The following SYNJ2 variants were observed in gnomAD, a reference collection of about 807,000 sequenced individuals.
The protein encoded by SYNJ2 is synaptojanin 2.
SYNJ2 carries 116 observed loss-of-function variants against 141.3 expected under a neutral mutation model. The observed-to-expected ratio is 0.82, with a 90% CI of 0.71 to 0.96. SYNJ2 has a LOEUF of 0.96. Ranked by LOEUF, SYNJ2 falls within the 40% of genes least tolerant of loss-of-function variation. SYNJ2 has a pLI of 0.00. For synonymous variants in SYNJ2, 745 were observed against 777.7 expected, an observed-to-expected ratio of 0.96 and a Z score of 0.70; for missense variants, 1,873 against 1,934.8, an observed-to-expected ratio of 0.97 and a Z score of 0.60.
In SYNJ2 at chr6:158,098,912, G is replaced by A. The variant is rs1783920232; in HGVS notation, c.*2548G>A. The A allele has an allele frequency of 6.6e-6, 1 of 152,198 alleles. No individual in the cohort carries two copies. Among genetic ancestry groups the A allele is most frequent in the Non-Finnish European group, 1.5e-5 (1 of 68,046 alleles). The allele number at this position is 152,198 out of a possible 1,614,324, so 9.4% of individuals were successfully genotyped here. On this transcript the variant is annotated 3_prime_UTR_variant, in exon 27 of 27. Coordinates refer to ENST00000355585, the MANE Select transcript of SYNJ2 (RefSeq NM_003898.4). Reference sequence around the variant, plus strand: ...TATGTTTTGGTTAATGATTGAATTAGGACATCAGCTTAAGCAATTCCTGTA... The same window carrying A: ...TATGTTTTGGTTAATGATTGAATTAAGACATCAGCTTAAGCAATTCCTGTA...
chr6:158,013,647 T>G (rs1364176201), intron 1 of SYNJ2, among the ~76,000 whole-genome samples: 1 of 152,216 alleles, frequency 6.6e-6, no homozygotes, highest in Non-Finnish European at 1.5e-5. Flanking sequence ...AATTTGTTTG[T>G]CACCCCAAGA....
rs908570688 is a variant in SYNJ2, at chr6:158,027,421, G to A, written c.215-1335G>A. ...GGGCCCCGTCCCGAGAGTGAGGCAC[G>A]GCGCCACCAGGCACCCCCGATACGC... On this transcript the variant is annotated intron_variant, in intron 2 of 26. Transcript: ENST00000355585. The surrounding 1 kb of genome is among the most constrained non-coding windows in gnomAD (Gnocchi z 4.6). 6 of 161,542 alleles carry A rather than the reference G, an allele frequency of 3.7e-5. No individual in the cohort carries two copies. Among genetic ancestry groups the A allele is most frequent in the Non-Finnish European group, 7.8e-5 (6 of 76,692 alleles). 10.0% of individuals were successfully genotyped at this position (161,542 alleles called of 1,614,324 possible).
Position 158,076,757 on chromosome 6 carries a change from G to A in SYNJ2, c.2424G>A (p.Arg808=). 1 of 1,613,424 alleles carries A rather than the reference G, an allele frequency of 6.2e-7. No individual in the cohort carries two copies. Among genetic ancestry groups the A allele is most frequent in the Non-Finnish European group, 8.5e-7 (1 of 1,179,696 alleles). Residue 808 remains arginine (R), a synonymous_variant, in exon 17 of 27, where the codon AGG becomes AGA. Transcript: ENST00000355585. ...PAWTDRVLWW[R]KKHPFDKTAG... Reference sequence around the variant, plus strand: ...GGACAGACAGGGTGCTGTGGTGGAGGAAGAAACATCCCTTTGATAAAACAG... The same window carrying A: ...GGACAGACAGGGTGCTGTGGTGGAGAAAGAAACATCCCTTTGATAAAACAG...
chr6:158,018,837 C>T (rs1315031224), intron 2 of SYNJ2, among the ~76,000 whole-genome samples: 1 of 152,236 alleles, frequency 6.6e-6, no homozygotes, highest in African/African-American at 2.4e-5. Context: ...CGCCTCCAAA[C>T]GCTTGCTTTT....
intron 1 of SYNJ2, among the ~76,000 whole-genome samples, chr6:157,993,797 GT>G (rs61529071): frequency 5.8e-4 from 28 of 47,948 alleles, no homozygotes; most frequent in South Asian, 9.7e-4. Flanking sequence ...AAATGTGTGG[GT>G]TTTTTTTTTT....
rs888154838 is a variant in SYNJ2, at chr6:158,093,157, G to C, written c.3744+53G>C. ...TACTCCTAAGTTGCTCACATGTCTC[G>C]ATAGATAAGAATTGTGGCCTGTAAT... On this transcript the variant is annotated intron_variant, in intron 26 of 26. Coordinates refer to ENST00000355585, the MANE Select transcript of SYNJ2 (RefSeq NM_003898.4). 3.9e-6 allele frequency: 6 copies of C among 1,552,562 alleles called. No individual in the cohort carries two copies. The Admixed American group carries it at 1.0e-4, about 27-fold the overall frequency.
rs764743143 is a variant in SYNJ2 at position 158,064,997 on chromosome 6, G to A, written c.1525+6G>A. ...GGACAGCACGGCGCTCCTGGGTAGG[G>A]CCTGCCGCAGACAGGGCGAGGCAGG... On this transcript the variant is annotated splice_donor_region_variant and intron_variant, in intron 11 of 26. Coordinates refer to ENST00000355585, the MANE Select transcript of SYNJ2 (RefSeq NM_003898.4). 3 of 1,548,938 alleles carry A rather than the reference G, an allele frequency of 1.9e-6. No individual in the cohort carries two copies. Among genetic ancestry groups the A allele is most frequent in the East Asian group, 4.7e-5 (2 of 42,270 alleles).
rs758373037 is a variant in SYNJ2, at chr6:158,081,476, C to T, written c.2831C>T (p.Ser944Leu). Reference sequence around the variant, plus strand: ...CTGGTAACTTTTGCAGACAGTCACTCGGCTCTCAGTGTCCTGGACGTGGAC... The same window carrying T: ...CTGGTAACTTTTGCAGACAGTCACTTGGCTCTCAGTGTCCTGGACGTGGAC... ...QMLVTFADSHSALSVLDVDGM... is the reference protein window; with the variant it reads ...QMLVTFADSHLALSVLDVDGM... The change falls in exon 20 of 27, where the codon TCG (serine) becomes TTG (leucine). Residue 944 changes from serine to leucine, a missense_variant. Physicochemically the swap from Ser to Leu is moderately radical, Grantham distance 145 (BLOSUM62 -2). Transcript: ENST00000355585. 28 of 1,613,842 alleles carry T rather than the reference C, an allele frequency of 1.7e-5. No homozygotes were observed. Among genetic ancestry groups the T allele is most frequent in the South Asian group, 3.3e-5 (3 of 91,066 alleles).
Position 158,083,576 on chromosome 6 carries a change from A to G in SYNJ2, c.3013A>G (p.Ser1005Gly). The change falls in exon 21 of 27, where the codon AGT becomes GGT. Residue 1005 changes from serine to glycine, a missense_variant. Coordinates refer to ENST00000355585, the MANE Select transcript of SYNJ2 (RefSeq NM_003898.4). ...CLLEENFDFT[S>G]LDYESEGDIL... ...GCTGGAGGAAAACTTTGACTTCACA[A>G]GTTTGGACTATGAGTCAGAAGGTTA... The G allele has an allele frequency of 6.2e-7, 1 of 1,614,136 alleles. No individual in the cohort carries two copies. The highest frequency in any genetic ancestry group is 2.2e-5 in the East Asian group (1 of 44,870).
Position 158,076,683 on chromosome 6 carries a change from G to A in SYNJ2, c.2350G>A (p.Val784Ile), listed in dbSNP as rs142937613. The change falls in exon 17 of 27, where the codon GTT becomes ATT. Residue 784 changes from valine to isoleucine, a missense_variant. By Grantham distance (29) the Val-to-Ile change is conservative. Coordinates refer to ENST00000355585, the MANE Select transcript of SYNJ2 (RefSeq NM_003898.4). ...INFGPTYKYD[V>I]GSAAYDTSDK... Reference sequence around the variant, plus strand: ...CTTTGGACCCACCTACAAGTATGACGTTGGCTCAGCCGCCTACGATACAAG... The same window carrying A: ...CTTTGGACCCACCTACAAGTATGACATTGGCTCAGCCGCCTACGATACAAG... 39 of 1,614,032 alleles carry A rather than the reference G, an allele frequency of 2.4e-5. No individual in the cohort carries two copies. Among genetic ancestry groups the A allele is most frequent in the Non-Finnish European group, 3.1e-5 (36 of 1,180,034 alleles).
intron 1 of SYNJ2, among the ~76,000 whole-genome samples, chr6:157,983,182 T>C (rs924716673): frequency 6.6e-5 from 10 of 152,238 alleles, no homozygotes; most frequent in African/African-American, 2.2e-4. Context: ...CGTTCGGATG[T>C]ATGTCTTGGA....
At chr6:158,005,419 C>G (rs988559393) in intron 1 of SYNJ2, among the ~76,000 whole-genome samples, 1 of 152,140 alleles carries the variant, frequency 6.6e-6, no homozygotes, top group Non-Finnish European at 1.5e-5. Flanking sequence ...CCCTTAGAAC[C>G]CATGGCCTTC....
chr6:157,989,066 C>T (rs182376686), intron 1 of SYNJ2, among the ~76,000 whole-genome samples: 68 of 152,236 alleles, frequency 4.5e-4, no homozygotes, highest in African/African-American at 7.9e-4. Flanking sequence ...GTGCTTAATC[C>T]GCTATTCTAC....
chr6:158,017,329 C>T (rs1778508492), intron 2 of SYNJ2, 39 bp downstream of exon 2: 3 of 1,587,278 alleles, frequency 1.9e-6, no homozygotes, highest in Non-Finnish European at 2.6e-6. Flanking sequence ...CGCCAGGCTC[C>T]CCGGTGGGCA....
chr6:158,081,604 CCTTTTT>C, intron 20 of SYNJ2, 94 bp downstream of exon 20: 2 of 219,730 alleles, frequency 9.1e-6, no homozygotes, highest in Non-Finnish European at 1.6e-5. Context: ...CTGACCTGTG[CCTTTTT>C]TTTTTTTTTT....
intron 1 of SYNJ2, among the ~76,000 whole-genome samples, chr6:157,993,636 A>G (rs945993936): frequency 4.7e-5 from 7 of 150,212 alleles, no homozygotes; most frequent in African/African-American, 1.7e-4. Flanking sequence ...GGTCTTTCCC[A>G]ATGTTTTACT....
chr6:158,039,330 G>C (rs1387115905), intron 4 of SYNJ2, among the ~76,000 whole-genome samples: 1 of 152,258 alleles, frequency 6.6e-6, no homozygotes, highest in Non-Finnish European at 1.5e-5. Flanking sequence ...TGCTGAGGAT[G>C]GTTCTTCTAG....
At chr6:158,091,293 G>A (rs1170403438) in intron 25 of SYNJ2, among the ~76,000 whole-genome samples, 1 of 151,966 alleles carries the variant, frequency 6.6e-6, no homozygotes, top group African/African-American at 2.4e-5. Flanking sequence ...TCCAGCCTGG[G>A]TGACAGAGCA....
intron 7 of SYNJ2, 154 bp downstream of exon 7, chr6:158,059,507 G>A (rs990623227): frequency 4.2e-6 from 6 of 1,436,186 alleles, no homozygotes; most frequent in East Asian, 2.6e-5. Context: ...CAGTGAACAC[G>A]GCAGTGCTCA....
Sources: allele counts gnomAD v4.1 joint callset (sites outside exome capture counted in the v4.1 genomes callset), GRCh38; gene constraint gnomAD v4.1.1; non-coding constraint Gnocchi (gnomAD v3.1); transcripts MANE v1.5; gene names NCBI Gene and HGNC (gene_info 2026-07-23, HGNC 2026-07-21).